Variants in SBF2 observed in about 807,000 individuals in gnomAD.
SBF2 encodes SET binding factor 2.
In SBF2, 112 loss-of-function variants were observed where a neutral mutation model predicts 225.2. That is an observed-to-expected ratio of 0.50 (90% CI 0.43 to 0.58). The LOEUF (loss-of-function observed/expected upper bound fraction) is 0.58, where lower values mean the gene tolerates loss of function less well. Among genes scored for constraint, SBF2 ranks in the 20% least tolerant of loss-of-function variants. SBF2 has a pLI of 0.00. For missense variants in SBF2, 1,996 were observed against 2,206.2 expected, an observed-to-expected ratio of 0.90 and a Z score of 1.91; for synonymous variants, 763 against 773.3, an observed-to-expected ratio of 0.99 and a Z score of 0.22.
intron 2 of SBF2, among the ~76,000 whole-genome samples, chr11:10,122,534 C>A (rs1004518563): frequency 6.6e-6 from 1 of 152,178 alleles, no homozygotes; most frequent in Non-Finnish European, 1.5e-5. Context: ...TTATGTGGCA[C>A]ACAGCCAAGG....
intron 2 of SBF2, among the ~76,000 whole-genome samples, chr11:10,155,993 GC>G (rs1346748629): frequency 2.0e-5 from 3 of 152,110 alleles, no homozygotes; most frequent in South Asian, 2.1e-4. Context: ...TGGGAGCCCC[GC>G]CCCCTACCAA....
At chr11:9,909,381 C>A (rs1449327978) in intron 16 of SBF2, among the ~76,000 whole-genome samples, 1 of 151,746 alleles carries the variant, frequency 6.6e-6, no homozygotes, top group Non-Finnish European at 1.5e-5. Flanking sequence ...ATATAAGATA[C>A]CCTGAGGCGG....
chr11:9,840,837 C>A (rs929120526), intron 25 of SBF2, among the ~76,000 whole-genome samples: 4 of 151,664 alleles, frequency 2.6e-5, no homozygotes, highest in African/African-American at 9.7e-5. Flanking sequence ...CACAGTTTTA[C>A]AATCACAGGT....
chr11:10,049,697 G>A (rs1054363731), intron 2 of SBF2, among the ~76,000 whole-genome samples: 2 of 152,084 alleles, frequency 1.3e-5, no homozygotes, highest in African/African-American at 4.8e-5. Flanking sequence ...ATTTGTGACA[G>A]TATAAAGGGT....
chr11:9,833,161 A>T (rs1315615148), intron 26 of SBF2, among the ~76,000 whole-genome samples: 1 of 152,230 alleles, frequency 6.6e-6, no homozygotes, highest in African/African-American at 2.4e-5. Context: ...TTGGCATGAG[A>T]ACAATTTGTT....
intron 9 of SBF2, among the ~76,000 whole-genome samples, chr11:9,994,298 C>G (rs951853464): frequency 5.0e-4 from 76 of 151,608 alleles, no homozygotes; most frequent in African/African-American, 1.7e-3. Context: ...CACGGTGAAA[C>G]CCCATCTCTA....
At chr11:10,233,935 T>C (rs2135442553) in intron 1 of SBF2, among the ~76,000 whole-genome samples, 1 of 152,314 alleles carries the variant, frequency 6.6e-6, no homozygotes, top group South Asian at 2.1e-4. Flanking sequence ...CCCCTGGCCC[T>C]ATGTTGTTTT....
chr11:10,134,483 C>G (rs1411232687), intron 2 of SBF2, among the ~76,000 whole-genome samples: 1 of 152,110 alleles, frequency 6.6e-6, no homozygotes, highest in Non-Finnish European at 1.5e-5. Flanking sequence ...AAAGTCTCAT[C>G]AGAGACAAGG....
intron 1 of SBF2, among the ~76,000 whole-genome samples, chr11:10,290,803 T>C (rs1230993927): frequency 2.0e-5 from 3 of 152,188 alleles, no homozygotes; most frequent in Non-Finnish European, 4.4e-5. Context: ...TATAAATGCA[T>C]ATGTATGTTT....
At chr11:9,937,341 A>G (rs1864963553) in intron 16 of SBF2, among the ~76,000 whole-genome samples, 1 of 152,198 alleles carries the variant, frequency 6.6e-6, no homozygotes, top group Admixed American at 6.5e-5. Flanking sequence ...AATGAAAAAA[A>G]TTTATCAATT....
At chr11:9,976,072 C>CTTTT (rs773334975) in intron 13 of SBF2, among the ~76,000 whole-genome samples, 13 of 128,222 alleles carry the variant, frequency 1.0e-4, no homozygotes, top group South Asian at 2.5e-4. Flanking sequence ...TCTTCTTCTT[C>CTTTT]TTTTTTTTTT....
At chr11:10,264,670 G>T (rs561712662) in intron 1 of SBF2, among the ~76,000 whole-genome samples, 36 of 152,148 alleles carry the variant, frequency 2.4e-4, no homozygotes, top group East Asian at 7.7e-4. Context: ...ATGCTACGAT[G>T]GTTTGCTGCA....
At chr11:10,286,417 C>T in intron 1 of SBF2, among the ~76,000 whole-genome samples, 1 of 39,710 alleles carries the variant, frequency 2.5e-5, no homozygotes, top group East Asian at 4.5e-4. Flanking sequence ...GATCTCGGCT[C>T]ACTGCGATCT....
At position 9,876,497 on chromosome 11, in the gene SBF2, T is replaced by C. The variant is rs369832657; in HGVS notation, c.1930-18101A>G. ...ATCCAACAGGATTAGTATCCTGAGA[T>C]AGAGAGCTTGTTCTTGCTCTTGCTC... On this transcript the variant is annotated intron_variant, in intron 17 of 39. Transcript: ENST00000256190. 3.7e-4 allele frequency among the ~76,000 whole-genome samples: 56 copies of C among 152,268 alleles called. No homozygotes were observed. The South Asian group carries it at 4.8e-3, about 13-fold the overall frequency.
At position 9,835,173 on chromosome 11, in the gene SBF2, G is replaced by T. The variant is rs536939085; in HGVS notation, c.3456-2753C>A. On this transcript the variant is annotated intron_variant, in intron 26 of 39. Coordinates refer to ENST00000256190, the MANE Select transcript of SBF2 (RefSeq NM_030962.4). ...AGAGGTAGACTAGGCTTCAGAAGCT[G>T]TTGTGGAAACTTTTTAATTCAAGCA... Among the ~76,000 whole-genome samples the T allele has an allele frequency of 2.0e-5, 3 of 152,276 alleles. No homozygotes were observed. The East Asian group carries it at 5.8e-4, about 29-fold the overall frequency.
At chr11:10,118,408 A>G (rs1953269495) in intron 2 of SBF2, among the ~76,000 whole-genome samples, 1 of 152,208 alleles carries the variant, frequency 6.6e-6, no homozygotes, top group Non-Finnish European at 1.5e-5. Flanking sequence ...AGTCTGGGTC[A>G]AATTCACCAG....
At chr11:10,142,187 G>C (rs74319902) in intron 2 of SBF2, among the ~76,000 whole-genome samples, 144 of 152,236 alleles carry the variant, frequency 9.5e-4, no homozygotes, top group African/African-American at 3.0e-3. Flanking sequence ...CGGATAACCA[G>C]TACTATAACC....
intron 16 of SBF2, among the ~76,000 whole-genome samples, chr11:9,929,882 CA>C (rs1864355640): frequency 1.3e-5 from 2 of 151,518 alleles, no homozygotes; most frequent in Admixed American, 1.3e-4. Context: ...TATTAACTGG[CA>C]AAAATGTGTT....
intron 25 of SBF2, among the ~76,000 whole-genome samples, 172 bp from the exon 26 acceptor site, chr11:9,839,868 A>G (rs1463422970): frequency 6.6e-6 from 1 of 152,092 alleles, no homozygotes; most frequent in Non-Finnish European, 1.5e-5. Context: ...ACCTGTGGGG[A>G]GCTCACTCTC....
Sources: gnomAD v4.1 joint callset for allele counts (sites outside exome capture counted in the v4.1 genomes callset) on GRCh38, gnomAD v4.1.1 for gene constraint, MANE v1.5 for transcripts, NCBI Gene and HGNC (gene_info 2026-07-23, HGNC 2026-07-21) for gene names.